Variants in NCR3LG1 observed in about 807,000 individuals in gnomAD.
NCR3LG1 encodes natural cytotoxicity triggering receptor 3 ligand 1.
In NCR3LG1, 35 loss-of-function variants were observed where a neutral mutation model predicts 34.8. The ratio of observed to expected loss-of-function variants is 1.01; its 90% CI spans 0.77 to 1.33. The LOEUF (loss-of-function observed/expected upper bound fraction) is 1.33. NCR3LG1 is among the 40% of genes most tolerant of loss of function. NCR3LG1 has a pLI of 0.00. For synonymous variants in NCR3LG1, 173 were observed against 163.6 expected (o/e 1.06, Z -0.44); for missense variants, 452 against 423.3 (o/e 1.07, Z -0.60).
chr11:17,361,908 G>T (rs1215720291), intron 2 of NCR3LG1, among the ~76,000 whole-genome samples: 1 of 152,220 alleles, frequency 6.6e-6, no homozygotes, highest in Non-Finnish European at 1.5e-5. Context: ...GCCTCCCAAA[G>T]TGCTGGGATT....
intron 2 of NCR3LG1, among the ~76,000 whole-genome samples, chr11:17,360,136 G>T (rs1953254385): frequency 6.6e-6 from 1 of 152,074 alleles, no homozygotes; most frequent in African/African-American, 2.4e-5. Context: ...GAACTCCTGG[G>T]CTCAAATGAT....
downstream of NCR3LG1, among the ~76,000 whole-genome samples, chr11:17,378,918 G>A (rs369876744): frequency 6.6e-6 from 1 of 152,132 alleles, no homozygotes; most frequent in Non-Finnish European, 1.5e-5. Context: ...TGAGACATGC[G>A]CAGTAAGGGG....
intron 2 of NCR3LG1, among the ~76,000 whole-genome samples, chr11:17,363,320 A>T (rs1953303398): frequency 6.6e-6 from 1 of 151,984 alleles, no homozygotes; most frequent in South Asian, 2.1e-4. Context: ...TTTGAAGGAA[A>T]ATTTTTCTGG....
At chr11:17,364,158 A>G (rs1953318753) in intron 2 of NCR3LG1, among the ~76,000 whole-genome samples, 1 of 151,366 alleles carries the variant, frequency 6.6e-6, no homozygotes, top group Non-Finnish European at 1.5e-5. Context: ...TTTTTTTTAA[A>G]TTCTTTTTTC....
Position 17,368,936 on chromosome 11 carries a change from T to C in NCR3LG1, c.830T>C (p.Leu277Ser). The C allele has an allele frequency of 6.5e-7, 1 of 1,534,576 alleles. No homozygotes were observed. Among genetic ancestry groups the C allele is most frequent in the Non-Finnish European group, 8.7e-7 (1 of 1,145,574 alleles). The change falls in exon 4 of 5, where the codon TTA becomes TCA. Residue 277 changes from leucine to serine, a missense_variant. By Grantham distance (145) the Leu-to-Ser change is moderately radical. Transcript: ENST00000338965. ...PISFIGVGLV[L>S]LIVLIPWKKI... ...TCATTCATTGGTGTTGGACTGGTTTTATTAATTGTTTTGATTCCTTGGAAA... is the reference window on the plus strand; with the variant it reads ...TCATTCATTGGTGTTGGACTGGTTTCATTAATTGTTTTGATTCCTTGGAAA...
chr11:17,360,499 AT>A (rs1243351593), intron 2 of NCR3LG1, among the ~76,000 whole-genome samples: 2 of 152,186 alleles, frequency 1.3e-5, no homozygotes, highest in Non-Finnish European at 2.9e-5. Context: ...CTGTGTTATC[AT>A]CTAGAAGGTT....
chr11:17,372,504 C>G lies in NCR3LG1; in HGVS notation c.1357C>G (p.Leu453Val). ...CCAACCCCCAACTTTACTGTTACCC[C>G]TACAGTAAATGCCTGATGGACCTGG... ...SSQPPTLLLP[L>V]Q The change falls in exon 5 of 5, where the codon CTA becomes GTA. Residue 453 changes from leucine (L) to valine (V), a missense_variant. Coordinates refer to ENST00000338965, the MANE Select transcript of NCR3LG1 (RefSeq NM_001202439.3). The G allele has an allele frequency of 1.4e-6, 1 of 698,050 alleles. No individual in the cohort carries two copies. Among genetic ancestry groups the G allele is most frequent in the Non-Finnish European group, 2.6e-6 (1 of 381,908 alleles). The allele number at this position is 698,050 out of a possible 1,614,324, so 43.2% of individuals were successfully genotyped here.
At chr11:17,381,302 T>A (rs1469833366), downstream of NCR3LG1, 1 of 152,360 alleles carries the variant, frequency 6.6e-6, no homozygotes, top group Non-Finnish European at 1.5e-5. Flanking sequence ...ACCGAAGGAC[T>A]TTGGCAGTTC....
downstream of NCR3LG1, chr11:17,377,353 TG>T (rs1294811301): frequency 2.8e-5 from 4 of 143,268 alleles, no homozygotes; most frequent in Non-Finnish European, 6.0e-5. Context: ...CCAGGCGTGG[TG>T]GTGCATGCCT....
In NCR3LG1 at chr11:17,367,126, A is replaced by C. The variant is rs1199955776; in HGVS notation, c.539A>C (p.Gln180Pro). 6.5e-7 allele frequency: 1 copy of C among 1,536,476 alleles called. No homozygotes were observed. The stretch of plus-strand genomic sequence containing the variant: ...GCTATTAATATAACATGGGAGAAGC[A>C]GACCCAGAAGTTTCCCCATCCCATA... ...PEAINITWEK[Q>P]TQKFPHPIEI... The change falls in exon 3 of 5, where the codon CAG becomes CCG. Residue 180 changes from glutamine to proline, a missense_variant. Physicochemically the swap from Gln to Pro is moderately conservative, Grantham distance 76. Coordinates refer to ENST00000338965, the MANE Select transcript of NCR3LG1 (RefSeq NM_001202439.3).
At chr11:17,363,243 A>C (rs1953302611) in intron 2 of NCR3LG1, among the ~76,000 whole-genome samples, 1 of 151,286 alleles carries the variant, frequency 6.6e-6, no homozygotes, top group Non-Finnish European at 1.5e-5. Context: ...ACTTCTTTTT[A>C]TGTTTCTCGC....
chr11:17,360,323 C>T (rs948846628), intron 2 of NCR3LG1, among the ~76,000 whole-genome samples: 1 of 152,234 alleles, frequency 6.6e-6, no homozygotes, highest in Non-Finnish European at 1.5e-5. Flanking sequence ...CAGATATTTT[C>T]TCACAGTCTG....
intron 2 of NCR3LG1, among the ~76,000 whole-genome samples, chr11:17,362,752 C>CT (rs1439644441): frequency 0.012 from 1,223 of 105,476 alleles, 107 homozygotes; most frequent in African/African-American, 0.078. Context: ...TTCTTTCTTT[C>CT]TTTCTTTCTT....
intron 2 of NCR3LG1, among the ~76,000 whole-genome samples, chr11:17,365,625 A>T (rs1006139990): frequency 6.6e-6 from 1 of 152,202 alleles, no homozygotes; most frequent in Non-Finnish European, 1.5e-5. Context: ...GGTATATTTT[A>T]AAATGATTAC....
intron 2 of NCR3LG1, among the ~76,000 whole-genome samples, chr11:17,357,721 C>T (rs1953226951): frequency 6.6e-6 from 1 of 151,918 alleles, no homozygotes; most frequent in African/African-American, 2.4e-5. Context: ...AAAGGGTCTA[C>T]ATAGGAGACA....
At chr11:17,355,828 C>G (rs1953198005) in intron 1 of NCR3LG1, among the ~76,000 whole-genome samples, 1 of 152,104 alleles carries the variant, frequency 6.6e-6, no homozygotes, top group Admixed American at 6.6e-5. Flanking sequence ...GACAGAGTCT[C>G]ACTCTGTCAC....
intron 1 of NCR3LG1, 95 bp downstream of exon 1, chr11:17,352,134 T>A: frequency 1.5e-6 from 1 of 676,352 alleles, no homozygotes; most frequent in East Asian, 3.4e-5. Context: ...GGACCTCAAC[T>A]TCCTGGGGGC....
intron 2 of NCR3LG1, among the ~76,000 whole-genome samples, chr11:17,357,668 TA>T (rs1953226276): frequency 0.026 from 1 of 38 alleles, no homozygotes; most frequent in Admixed American, 0.5. Context: ...ACAGTGGCCG[TA>T]TATATATAGC....
chr11:17,379,822 G>C (rs1186754017), downstream of NCR3LG1, among the ~76,000 whole-genome samples: 3 of 152,218 alleles, frequency 2.0e-5, no homozygotes, highest in Admixed American at 6.5e-5. Flanking sequence ...CATAAGCTAA[G>C]TGCTACAACT....
Sources: allele counts gnomAD v4.1 joint callset (sites outside exome capture counted in the v4.1 genomes callset), GRCh38; gene constraint gnomAD v4.1.1; transcripts MANE v1.5; gene names NCBI Gene and HGNC (gene_info 2026-07-23, HGNC 2026-07-21).